Variants in GALNT13 observed in about 807,000 individuals in gnomAD.
GALNT13 encodes polypeptide N-acetylgalactosaminyltransferase 13, also known as UDP-GalNAc:polypeptide N-acetylgalactosaminyltransferase 13.
GALNT13 carries 28 observed loss-of-function variants against 64.2 expected under a neutral mutation model. That is an observed-to-expected ratio of 0.44 (90% CI 0.32 to 0.60). The LOEUF is 0.60. Ranked by LOEUF, GALNT13 falls within the 20% of genes least tolerant of loss-of-function variation. The pLI, the probability that GALNT13 is intolerant of heterozygous loss-of-function variation, is 0.05. For missense variants in GALNT13, 577 were observed against 669.8 expected (o/e 0.86, Z 1.53); for synonymous variants, 214 against 224.6 (o/e 0.95, Z 0.42).
intron 3 of GALNT13, among the ~76,000 whole-genome samples, chr2:154,033,289 AT>A (rs1395345484): frequency 1.3e-5 from 2 of 152,156 alleles, no homozygotes; most frequent in South Asian, 2.1e-4. Flanking sequence ...TACCAAAGTC[AT>A]CATCCATAAA....
At chr2:153,420,479 T>C in the GALNT13 span, among the ~76,000 whole-genome samples, 1 of 151,944 alleles carries the variant, frequency 6.6e-6, no homozygotes, top group Non-Finnish European at 1.5e-5. Context: ...TATATGGAAA[T>C]TTTATTTTAT....
chr2:153,726,350 G>T, the GALNT13 span, among the ~76,000 whole-genome samples: 1 of 151,812 alleles, frequency 6.6e-6, no homozygotes, highest in South Asian at 2.1e-4. Context: ...AAAAATGCAA[G>T]TTTTTTTTCA....
At chr2:153,822,970 G>T in the GALNT13 span, among the ~76,000 whole-genome samples, 1 of 152,010 alleles carries the variant, frequency 6.6e-6, no homozygotes, top group African/African-American at 2.4e-5. Context: ...TATTTATATA[G>T]ATCAATAATG....
At chr2:154,426,728 T>C (rs970175050) in intron 11 of GALNT13, among the ~76,000 whole-genome samples, 1 of 152,196 alleles carries the variant, frequency 6.6e-6, no homozygotes, top group Non-Finnish European at 1.5e-5. Context: ...AAATTTAACA[T>C]TGGTAATGTT....
intron 4 of GALNT13, among the ~76,000 whole-genome samples, chr2:154,154,351 A>G (rs942680099): frequency 2.6e-5 from 4 of 152,222 alleles, no homozygotes; most frequent in Admixed American, 6.5e-5. Context: ...AAACAACTCA[A>G]TTAGAAAGTT....
intron 8 of GALNT13, among the ~76,000 whole-genome samples, chr2:154,267,534 G>A (rs997116196): frequency 1.3e-5 from 2 of 152,050 alleles, no homozygotes; most frequent in African/African-American, 4.8e-5. Flanking sequence ...CACCTACTTG[G>A]GAGGCTGAGG....
the GALNT13 span, among the ~76,000 whole-genome samples, chr2:153,281,823 C>CTT: frequency 1.5e-5 from 2 of 131,976 alleles, no homozygotes; most frequent in African/African-American, 5.4e-5. Flanking sequence ...GCTTTTAAGG[C>CTT]TTTTTTTTTT....
At chr2:154,080,177 C>T (rs1701199419) in intron 3 of GALNT13, among the ~76,000 whole-genome samples, 3 of 151,540 alleles carry the variant, frequency 2.0e-5, no homozygotes, top group Non-Finnish European at 3.0e-5. Context: ...TTTATTTAAG[C>T]AATTTTGCTG....
chr2:153,827,655 G>A, the GALNT13 span, among the ~76,000 whole-genome samples: 1 of 151,608 alleles, frequency 6.6e-6, no homozygotes, highest in Admixed American at 6.6e-5. Flanking sequence ...GATTTGGGTG[G>A]GAACACAGCC....
the GALNT13 span, among the ~76,000 whole-genome samples, chr2:153,816,919 A>G: frequency 6.6e-6 from 1 of 152,264 alleles, no homozygotes; most frequent in East Asian, 1.9e-4. Flanking sequence ...CAGAGGAGAG[A>G]TGTTCACTGT....
intron 8 of GALNT13, among the ~76,000 whole-genome samples, chr2:154,272,922 A>G (rs1488041164): frequency 6.6e-6 from 1 of 152,180 alleles, no homozygotes; most frequent in Non-Finnish European, 1.5e-5. Context: ...TTTAAAAAGC[A>G]TTTATACAGA....
chr2:153,205,044 T>C, the GALNT13 span, among the ~76,000 whole-genome samples: 1 of 152,208 alleles, frequency 6.6e-6, no homozygotes, highest in Admixed American at 6.5e-5. Context: ...TTTTTTGTGA[T>C]GGTAAACGTT....
At chr2:153,304,351 G>T in the GALNT13 span, among the ~76,000 whole-genome samples, 1 of 151,964 alleles carries the variant, frequency 6.6e-6, no homozygotes, top group African/African-American at 2.4e-5. Flanking sequence ...AACTTAATTG[G>T]ATTGAGGCAA....
chr2:153,212,463 C>T, the GALNT13 span, among the ~76,000 whole-genome samples: 1 of 152,146 alleles, frequency 6.6e-6, no homozygotes, highest in African/African-American at 2.4e-5. Flanking sequence ...TTGAAGATCA[C>T]AGCCTTCTAA....
intron 4 of GALNT13, among the ~76,000 whole-genome samples, chr2:154,241,498 C>A (rs1017800617): frequency 1.3e-5 from 2 of 152,126 alleles, no homozygotes; most frequent in East Asian, 3.9e-4. Context: ...TTAGTAGATT[C>A]TGAATCTAAA....
At chr2:154,135,462 C>G (rs1382988648) in intron 3 of GALNT13, among the ~76,000 whole-genome samples, 1 of 152,154 alleles carries the variant, frequency 6.6e-6, no homozygotes, top group Non-Finnish European at 1.5e-5. Flanking sequence ...ACAAATCTTA[C>G]TGTCAGATGT....
the GALNT13 span, among the ~76,000 whole-genome samples, chr2:153,138,603 A>G: frequency 7.9e-5 from 12 of 152,240 alleles, no homozygotes; most frequent in South Asian, 8.3e-4. Flanking sequence ...AAAAGCATCT[A>G]ATCAAGTCAA....
chr2:153,151,136 T>C, the GALNT13 span, among the ~76,000 whole-genome samples: 1 of 152,080 alleles, frequency 6.6e-6, no homozygotes, highest in Admixed American at 6.6e-5. Flanking sequence ...TATCCCCTTT[T>C]ATTTCCTTGA....
the GALNT13 span, among the ~76,000 whole-genome samples, chr2:153,434,519 A>C: frequency 1.4e-4 from 22 of 152,124 alleles, no homozygotes; most frequent in African/African-American, 5.3e-4. Context: ...AATGATCACC[A>C]TTCTAACTGG....
Sources: gnomAD v4.1 joint callset for allele counts (sites outside exome capture counted in the v4.1 genomes callset) on GRCh38, gnomAD v4.1.1 for gene constraint, MANE v1.5 for transcripts, NCBI Gene and HGNC (gene_info 2026-07-23, HGNC 2026-07-21) for gene names.